The following PARD3 variants were observed in gnomAD, a reference collection of about 807,000 sequenced individuals.
PARD3 encodes par-3 family cell polarity regulator.
A neutral mutation model predicts 155.4 loss-of-function variants in PARD3; 75 were observed. The ratio of observed to expected loss-of-function variants is 0.48; its 90% CI spans 0.40 to 0.58. The LOEUF is 0.58. PARD3 is among the 20% of genes least tolerant of loss of function. The pLI, the probability that PARD3 is intolerant of heterozygous loss-of-function variation, is 0.00. For synonymous variants in PARD3, 576 were observed against 610.5 expected, an observed-to-expected ratio of 0.94 and a Z score of 0.83; for missense variants, 1,642 against 1,721.7, an observed-to-expected ratio of 0.95 and a Z score of 0.82.
intron 15 of PARD3, chr10:34,345,294 A>G (rs1773856429): frequency 2.0e-6 from 2 of 985,404 alleles, no homozygotes; most frequent in Non-Finnish European, 2.4e-6. Context: ...GCCTTTCGCC[A>G]GGGATGTGTT....
intron 2 of PARD3, among the ~76,000 whole-genome samples, chr10:34,657,553 T>TTTGC (rs1374406460): frequency 6.6e-6 from 1 of 151,960 alleles, no homozygotes; most frequent in African/African-American, 2.4e-5. Context: ...TGTTTGTTTG[T>TTTGC]TTTGAGACGG....
chr10:34,312,453 C>CACA, intron 20 of PARD3: 2 of 1,496,198 alleles, frequency 1.3e-6, no homozygotes, highest in South Asian at 2.3e-5. Flanking sequence ...TGTGTTTGTT[C>CACA]TTTTCTCAAA....
chr10:34,525,341 T>C (rs771182673), intron 2 of PARD3, among the ~76,000 whole-genome samples: 6 of 152,238 alleles, frequency 3.9e-5, no homozygotes, highest in Non-Finnish European at 5.9e-5. Flanking sequence ...CATGAGCACA[T>C]TAAAGACTAG....
At chr10:34,360,819 T>C (rs1039849680) in intron 12 of PARD3, among the ~76,000 whole-genome samples, 4 of 152,198 alleles carry the variant, frequency 2.6e-5, no homozygotes, top group Non-Finnish European at 5.9e-5. Context: ...AGTAGAGATA[T>C]ACAACATCAC....
At position 34,784,262 on chromosome 10, in the gene PARD3, A is replaced by G. The variant is rs960003808; in HGVS notation, c.120+30614T>C. On this transcript the variant is annotated intron_variant, in intron 1 of 24. Transcript: ENST00000374788. ...TAAAAAGTTAATAGTATTCCAAGTC[A>G]TAAAATATAAATAGCAATATATAAA... 2.6e-5 allele frequency among the ~76,000 whole-genome samples: 4 copies of G among 152,178 alleles called. No individual in the cohort carries two copies. In the East Asian group the frequency reaches 7.7e-4, roughly 29 times the overall value.
intron 22 of PARD3, among the ~76,000 whole-genome samples, chr10:34,200,689 C>T (rs772190257): frequency 2.0e-5 from 3 of 152,234 alleles, no homozygotes; most frequent in Non-Finnish European, 4.4e-5. Flanking sequence ...GCTGCAGACA[C>T]AGAGTCGTGA....
chr10:34,144,908 C>A (rs969847138), intron 22 of PARD3, among the ~76,000 whole-genome samples: 2 of 152,052 alleles, frequency 1.3e-5, no homozygotes, highest in African/African-American at 2.4e-5. Flanking sequence ...TGCCTGCTTC[C>A]TGGTTTTCTG....
chr10:34,487,229 C>A (rs2133273876), intron 3 of PARD3, among the ~76,000 whole-genome samples: 1 of 152,066 alleles, frequency 6.6e-6, no homozygotes. Flanking sequence ...GCAGGCATTG[C>A]CATCTCTGAG....
chr10:34,457,958 A>G (rs2077424380), intron 4 of PARD3, among the ~76,000 whole-genome samples: 1 of 152,276 alleles, frequency 6.6e-6, no homozygotes, highest in South Asian at 2.1e-4. Flanking sequence ...ACATGGAACC[A>G]TAGTTTAGGT....
At chr10:34,581,234 CTTTTTTTTTTT>C (rs779658592) in intron 2 of PARD3, among the ~76,000 whole-genome samples, 2 of 101,246 alleles carry the variant, frequency 2.0e-5, no homozygotes, top group Admixed American at 1.1e-4. Flanking sequence ...TTTTTCTTTT[CTTTTTTTTTTT>C]TTTTTTTGAG....
chr10:34,691,140 AG>A (rs2094052301), intron 2 of PARD3, among the ~76,000 whole-genome samples: 2 of 152,170 alleles, frequency 1.3e-5, no homozygotes, highest in African/African-American at 4.8e-5. Flanking sequence ...ATAGGAAGAG[AG>A]GAAGTCAAAC....
At chr10:34,814,329 T>A (rs1844607524) in intron 1 of PARD3, among the ~76,000 whole-genome samples, 2 of 151,596 alleles carry the variant, frequency 1.3e-5, no homozygotes, top group Non-Finnish European at 1.5e-5. Context: ...GCAGGGGACA[T>A]GGAGGAAAAG....
chr10:34,291,420 G>C (rs930057035), intron 20 of PARD3, among the ~76,000 whole-genome samples: 1 of 152,168 alleles, frequency 6.6e-6, no homozygotes, highest in Non-Finnish European at 1.5e-5. Flanking sequence ...TAATTCCTAA[G>C]TGAGACATAA....
chr10:34,701,588 G>C (rs1293441145), intron 1 of PARD3, among the ~76,000 whole-genome samples: 1 of 152,160 alleles, frequency 6.6e-6, no homozygotes, highest in East Asian at 1.9e-4. Flanking sequence ...AAGAATGTCA[G>C]AACACCGGAA....
intron 3 of PARD3, among the ~76,000 whole-genome samples, chr10:34,509,974 CA>C (rs1179396520): frequency 6.6e-6 from 1 of 152,024 alleles, no homozygotes; most frequent in Non-Finnish European, 1.5e-5. Context: ...CTCCTTTCAA[CA>C]AAAAAGAAGG....
chr10:34,805,461 A>C (rs1843249909), intron 1 of PARD3, among the ~76,000 whole-genome samples: 1 of 151,652 alleles, frequency 6.6e-6, no homozygotes, highest in Admixed American at 6.6e-5. Flanking sequence ...GATTGGGAGA[A>C]TGTTGACTTG....
intron 1 of PARD3, among the ~76,000 whole-genome samples, chr10:34,808,893 C>G: frequency 6.6e-6 from 1 of 152,216 alleles, no homozygotes; most frequent in East Asian, 1.9e-4. Flanking sequence ...TTAGTCCTGG[C>G]ACTCAGCCAA....
chr10:34,740,711 CCT>C (rs151151606), intron 1 of PARD3, among the ~76,000 whole-genome samples: 3,000 of 152,242 alleles, frequency 0.02, 98 homozygotes, highest in African/African-American at 0.068. Context: ...CGTTCCCTCC[CCT>C]CTTTTCCTAC....
At chr10:34,726,478 C>A (rs986008940) in intron 1 of PARD3, among the ~76,000 whole-genome samples, 14 of 152,090 alleles carry the variant, frequency 9.2e-5, no homozygotes, top group African/African-American at 3.4e-4. Flanking sequence ...CCCAGCTACT[C>A]GGGAGGCTGA....
Sources: allele counts gnomAD v4.1 joint callset (sites outside exome capture counted in the v4.1 genomes callset), GRCh38; gene constraint gnomAD v4.1.1; transcripts MANE v1.5; gene names NCBI Gene and HGNC (gene_info 2026-07-23, HGNC 2026-07-21).